The following SPRTN variants were observed in gnomAD, a reference collection of about 807,000 sequenced individuals.
SPRTN encodes DNA-dependent metalloprotease SPRTN.
A neutral mutation model predicts 31.9 loss-of-function variants in SPRTN; 11 were observed. The ratio of observed to expected loss-of-function variants is 0.34; its 90% CI spans 0.22 to 0.57. The LOEUF (loss-of-function observed/expected upper bound fraction) is 0.57, where lower values mean the gene tolerates loss of function less well. SPRTN is among the 20% of genes least tolerant of loss of function. The probability of loss-of-function intolerance (pLI) is 0.86; values close to 1 mark genes in which losing one functional copy is unlikely to be tolerated. For synonymous variants in SPRTN, 185 were observed against 212.1 expected, an observed-to-expected ratio of 0.87 and a Z score of 1.11; for missense variants, 482 against 590.1, an observed-to-expected ratio of 0.82 and a Z score of 1.90.
At chr1:231,340,062 CA>C (rs1159390029) in intron 2 of SPRTN, 194 bp downstream of exon 2, 31 of 348,458 alleles carry the variant, frequency 8.9e-5, no homozygotes, top group East Asian at 1.8e-4. Flanking sequence ...AAAAAAAAAA[CA>C]AAAAAAAGGC....
chr1:231,347,662 C>G (rs1352118986), intron 2 of SPRTN, 135 bp from the exon 3 acceptor site: 1 of 1,064,392 alleles, frequency 9.4e-7, no homozygotes, highest in East Asian at 2.7e-5. Context: ...CTGCACCCGG[C>G]CTAGAATGAG....
chr1:231,345,882 A>G (rs1354865059), intron 2 of SPRTN, among the ~76,000 whole-genome samples: 1 of 152,062 alleles, frequency 6.6e-6, no homozygotes, highest in Admixed American at 6.6e-5. Flanking sequence ...AGGTAATCAT[A>G]GCTCACTGCA....
At chr1:231,351,913 G>A in intron 4 of SPRTN, 3 of 1,015,742 alleles carry the variant, frequency 3.0e-6, no homozygotes, top group Non-Finnish European at 3.5e-6. Flanking sequence ...TGAGTTATTA[G>A]GAAACAGAAG....
At position 231,351,498 on chromosome 1, in the gene SPRTN, A is replaced by T; in HGVS notation, c.645A>T (p.Pro215=). The change falls in exon 4 of 5, where the codon CCA becomes CCT. Residue 215 remains proline (P), a synonymous_variant. Transcript: ENST00000295050. ...CGGTYIKIKE[P]ENYSKKGKGK... is the part of the protein sequence containing the mutation. ...GCACTTACATAAAAATCAAGGAACCAGAGAATTACTCAAAAAAAGGCAAAG... is the reference window on the plus strand; with the variant it reads ...GCACTTACATAAAAATCAAGGAACCTGAGAATTACTCAAAAAAAGGCAAAG... The T allele has an allele frequency of 2.5e-6, 4 of 1,614,228 alleles. No homozygotes were observed. The highest frequency in any genetic ancestry group is 3.4e-6 in the Non-Finnish European group (4 of 1,180,034).
In SPRTN at chr1:231,352,643, T is replaced by A. The variant is rs775875613; in HGVS notation, c.752T>A (p.Ile251Asn). 7 of 1,602,992 alleles carry A rather than the reference T, an allele frequency of 4.4e-6. No individual in the cohort carries two copies. The highest frequency in any genetic ancestry group is 5.9e-6 in the Non-Finnish European group (7 of 1,176,502). ...AACAGAGGTGAGGCCCAGCTAGTAATCCCTTTTAGTGGGAAAGGATATGTT... is the reference window on the plus strand; with the variant it reads ...AACAGAGGTGAGGCCCAGCTAGTAAACCCTTTTAGTGGGAAAGGATATGTT... ...KPNRGEAQLV[I>N]PFSGKGYVLG... The change falls in exon 5 of 5, where the codon ATC becomes AAC. Residue 251 changes from isoleucine (I) to asparagine (N), a missense_variant. By Grantham distance (149) the Ile-to-Asn change is moderately radical. Transcript: ENST00000295050.
chr1:231,340,057 A>AAAAC, intron 2 of SPRTN, 189 bp downstream of exon 2: 3 of 501,862 alleles, frequency 6.0e-6, no homozygotes, highest in Non-Finnish European at 1.0e-5. Context: ...TAAAAAAAAA[A>AAAAC]AAAACAAAAA....
chr1:231,352,723 A>T lies in SPRTN; in HGVS notation c.832A>T (p.Ile278Phe). 3 of 1,614,162 alleles carry T rather than the reference A, an allele frequency of 1.9e-6. No homozygotes were observed. The highest frequency in any genetic ancestry group is 2.5e-6 in the Non-Finnish European group (3 of 1,179,996). The change falls in exon 5 of 5, where the codon ATT (isoleucine) becomes TTT (phenylalanine). Residue 278 changes from isoleucine (I) to phenylalanine (F), a missense_variant. Physicochemically the swap from Ile to Phe is conservative, Grantham distance 21. Around this residue, in one of 2 missense-constraint regions of SPRTN, gnomAD observed 325 missense variants for 350.2 expected, o/e 0.93. Coordinates refer to ENST00000295050, the MANE Select transcript of SPRTN (RefSeq NM_032018.7). ...TGGGAAACTGATCACTTCACATGCC[A>T]TTAATAAAACCCAAGATCTTTTAAA... ...SPGKLITSHA[I>F]NKTQDLLNQN...
At chr1:231,339,415 G>A (rs1032460061) in intron 1 of SPRTN, 10 of 484,666 alleles carry the variant, frequency 2.1e-5, no homozygotes, top group African/African-American at 2.0e-4. Context: ...GCTAGGGCAA[G>A]GGGAGCTGCA....
At chr1:231,342,704 G>A (rs545554988) in intron 2 of SPRTN, among the ~76,000 whole-genome samples, 1 of 150,758 alleles carries the variant, frequency 6.6e-6, no homozygotes. Context: ...TGGGATTACA[G>A]GTATGAGCCA....
chr1:231,349,352 C>A (rs1387763829), intron 3 of SPRTN, among the ~76,000 whole-genome samples: 1 of 152,146 alleles, frequency 6.6e-6, no homozygotes, highest in East Asian at 1.9e-4. Context: ...GACACAGTTA[C>A]TTCAACATTA....
intron 4 of SPRTN, chr1:231,352,400 A>C (rs1258510872): frequency 8.1e-7 from 1 of 1,228,604 alleles, no homozygotes; most frequent in Non-Finnish European, 1.0e-6. Context: ...AATATGAGAG[A>C]ATTTTTTTTT....
intron 2 of SPRTN, among the ~76,000 whole-genome samples, chr1:231,345,149 T>C (rs557580463): frequency 6.8e-4 from 103 of 150,778 alleles, no homozygotes; most frequent in Non-Finnish European, 9.6e-4. Flanking sequence ...GTTTCTTTCT[T>C]TTTTTTTTGT....
At chr1:231,351,883 C>T (rs898491585) in intron 4 of SPRTN, 6 of 1,026,978 alleles carry the variant, frequency 5.8e-6, no homozygotes, top group South Asian at 4.2e-5. Flanking sequence ...GGTAAAGTTC[C>T]TTTCCCTATC....
chr1:231,343,244 A>G (rs934390508), intron 2 of SPRTN, among the ~76,000 whole-genome samples: 7 of 152,082 alleles, frequency 4.6e-5, no homozygotes, highest in South Asian at 2.1e-4. Context: ...TATATACTCT[A>G]TAGCCTAGGT....
chr1:231,341,226 T>A (rs985235446), intron 2 of SPRTN, among the ~76,000 whole-genome samples: 1 of 151,816 alleles, frequency 6.6e-6, no homozygotes, highest in African/African-American at 2.4e-5. Context: ...ATTTTAAGTT[T>A]AAAAGGATGA....
intron 2 of SPRTN, among the ~76,000 whole-genome samples, chr1:231,347,492 A>G (rs1281745007): frequency 6.6e-6 from 1 of 152,002 alleles, no homozygotes; most frequent in Non-Finnish European, 1.5e-5. Context: ...TCCTGAGTGT[A>G]GCTGGGATTA....
intron 3 of SPRTN, among the ~76,000 whole-genome samples, chr1:231,350,697 A>G (rs1687196717): frequency 6.6e-6 from 1 of 152,194 alleles, no homozygotes; most frequent in South Asian, 2.1e-4. Flanking sequence ...GTCTGGTAAT[A>G]GAAATATTTA....
At position 231,343,051 on chromosome 1, in the gene SPRTN, A is replaced by G. The variant is rs192861543; in HGVS notation, c.321+3183A>G. 5.5e-4 allele frequency among the ~76,000 whole-genome samples: 83 copies of G among 152,064 alleles called. 1 individual carries two copies. The Middle Eastern group carries it at 0.02, about 37-fold the overall frequency. On this transcript the variant is annotated intron_variant, in intron 2 of 4. Transcript: ENST00000295050. ...CACACCTGGCCAAGACTATATTTTTATTGTACCTTTTTTCTTCTTTATATT... is the reference window on the plus strand; with the variant it reads ...CACACCTGGCCAAGACTATATTTTTGTTGTACCTTTTTTCTTCTTTATATT...
rs945287200 is a variant in SPRTN, at chr1:231,353,101, T to C, written c.1210T>C (p.Phe404Leu). 2 of 1,613,788 alleles carry C rather than the reference T, an allele frequency of 1.2e-6. No homozygotes were observed. Among genetic ancestry groups the C allele is most frequent in the African/African-American group, 1.3e-5 (1 of 74,998 alleles). ...SQDVSGSEDT[F>L]PNKRPRLEDK... ...GGATGTGAGTGGGTCTGAAGATACA[T>C]TCCCAAATAAACGACCTAGGCTAGA... Residue 404 changes from phenylalanine to leucine, a missense_variant, in exon 5 of 5, where the codon TTC (phenylalanine) becomes CTC (leucine). Physicochemically the swap from Phe to Leu is conservative, Grantham distance 22. This residue lies in a region of SPRTN where 325 missense variants were observed against 350.2 expected (regional missense o/e 0.93). Coordinates refer to ENST00000295050, the MANE Select transcript of SPRTN (RefSeq NM_032018.7).
Sources: allele counts gnomAD v4.1 joint callset (sites outside exome capture counted in the v4.1 genomes callset), GRCh38; gene constraint gnomAD v4.1.1; regional missense constraint gnomAD v4.1.1; transcripts MANE v1.5; gene names NCBI Gene and HGNC (gene_info 2026-07-23, HGNC 2026-07-21).